The following SORCS3 variants were observed in gnomAD, a reference collection of about 807,000 sequenced individuals.
The protein encoded by SORCS3 is sortilin related VPS10 domain containing receptor 3.
A neutral mutation model predicts 146.3 loss-of-function variants in SORCS3; 57 were observed. The observed-to-expected ratio is 0.39, with a 90% confidence interval of 0.31 to 0.49. The LOEUF is 0.49. Ranked by LOEUF, SORCS3 falls within the 20% of genes least tolerant of loss-of-function variation. The probability of loss-of-function intolerance (pLI) is 0.92; values close to 1 mark genes in which losing one functional copy is unlikely to be tolerated. For missense variants in SORCS3, 1,341 were observed against 1,575.5 expected (o/e 0.85, Z 2.52); for synonymous variants, 653 against 618.5 (o/e 1.06, Z -0.83).
At chr10:105,135,308 A>G (rs1383733694) in intron 7 of SORCS3, among the ~76,000 whole-genome samples, 2 of 152,124 alleles carry the variant, frequency 1.3e-5, no homozygotes, top group Admixed American at 6.5e-5. Flanking sequence ...CAGCCCCAAC[A>G]TTCCATGGGA....
chr10:105,247,473 G>C, intron 22 of SORCS3, 142 bp downstream of exon 22: 1 of 519,638 alleles, frequency 1.9e-6, no homozygotes, highest in Admixed American at 3.6e-5. Context: ...GAAGAGGCTG[G>C]GTGCAGTCGC....
intron 1 of SORCS3, among the ~76,000 whole-genome samples, chr10:104,703,611 T>G (rs1297933130): frequency 1.4e-4 from 16 of 118,196 alleles, no homozygotes; most frequent in African/African-American, 3.0e-4. Context: ...GGGTGGGGGG[T>G]GAGGGGAGGG....
chr10:104,651,788 A>G (rs960268348), intron 1 of SORCS3, among the ~76,000 whole-genome samples: 2 of 152,086 alleles, frequency 1.3e-5, no homozygotes, highest in Non-Finnish European at 2.9e-5. Context: ...TTTGCTCTGC[A>G]TGCTGGCCTG....
intron 4 of SORCS3, among the ~76,000 whole-genome samples, chr10:105,017,167 G>A (rs11192280): frequency 0.33 from 49,710 of 151,360 alleles, 9,892 homozygotes; most frequent in African/African-American, 0.56. Context: ...TGAGGGAACC[G>A]TCTGCTTCTG....
intron 16 of SORCS3, among the ~76,000 whole-genome samples, chr10:105,201,625 C>T (rs1458940702): frequency 1.3e-5 from 2 of 152,196 alleles, no homozygotes; most frequent in Non-Finnish European, 2.9e-5. Flanking sequence ...TCACTGTGCT[C>T]TTCTACGTGA....
At chr10:104,851,844 A>G (rs2018277207) in intron 2 of SORCS3, among the ~76,000 whole-genome samples, 1 of 152,252 alleles carries the variant, frequency 6.6e-6, no homozygotes, top group Non-Finnish European at 1.5e-5. Context: ...GACATAGTCT[A>G]TAAATGTCAT....
intron 1 of SORCS3, among the ~76,000 whole-genome samples, chr10:104,750,962 G>A (rs935264794): frequency 6.6e-6 from 1 of 152,122 alleles, no homozygotes; most frequent in African/African-American, 2.4e-5. Flanking sequence ...GGAATATCGT[G>A]TCTATAATAT....
In SORCS3 at chr10:105,116,186, A is replaced by G. The variant is rs187171875; in HGVS notation, c.1212+10671A>G. 8.5e-5 allele frequency among the ~76,000 whole-genome samples: 13 copies of G among 152,346 alleles called. 1 individual carries two copies. In the East Asian group the frequency reaches 2.5e-3, roughly 29 times the overall value. On this transcript the variant is annotated intron_variant, in intron 7 of 26. Coordinates refer to ENST00000369701, the MANE Select transcript of SORCS3 (RefSeq NM_014978.3). ...GTAATGATATTTAGTTGACCTTTGT[A>G]TGGAGCATACTCCATCTCACATCCT... is the stretch of plus-strand genomic sequence containing the variant.
intron 1 of SORCS3, among the ~76,000 whole-genome samples, chr10:104,671,533 T>C (rs2015854598): frequency 6.6e-6 from 1 of 151,208 alleles, no homozygotes; most frequent in Non-Finnish European, 1.5e-5. Context: ...TTTGTAGAGA[T>C]GAGGTCTTAC....
chr10:105,168,891 C>T (rs560377392), intron 13 of SORCS3, among the ~76,000 whole-genome samples: 19 of 152,228 alleles, frequency 1.2e-4, no homozygotes, highest in Middle Eastern at 3.4e-3. Flanking sequence ...GTAAGAGGAG[C>T]GCTCTCCCAC....
chr10:105,158,860 C>T, intron 10 of SORCS3, 32 bp from the exon 11 acceptor site: 1 of 1,557,798 alleles, frequency 6.4e-7, no homozygotes, highest in Non-Finnish European at 8.8e-7. Context: ...CTGGAATTTC[C>T]TAGAATGAAA....
At chr10:104,804,886 T>G (rs557730310) in intron 1 of SORCS3, among the ~76,000 whole-genome samples, 2 of 152,234 alleles carry the variant, frequency 1.3e-5, no homozygotes, top group African/African-American at 4.8e-5. Context: ...TAGGAAAGGG[T>G]GGACTCTAGC....
intron 16 of SORCS3, among the ~76,000 whole-genome samples, chr10:105,210,476 G>A (rs1481281765): frequency 6.6e-6 from 1 of 152,074 alleles, no homozygotes; most frequent in Non-Finnish European, 1.5e-5. Context: ...CAAGAAGTAG[G>A]GAAGCACTGT....
rs574715377 is a variant in SORCS3, at chr10:105,143,046, C to T, written c.1302+3560C>T. On this transcript the variant is annotated intron_variant, in intron 8 of 26. Transcript: ENST00000369701. ...CTAATCTCTTTTCTTACTCCCTATT[C>T]TCTCTTCAACCTGCTGCTGTATATT... Among the ~76,000 whole-genome samples the T allele has an allele frequency of 3.3e-5, 5 of 152,268 alleles. No individual in the cohort carries two copies. The South Asian group carries it at 1.0e-3, about 32-fold the overall frequency.
intron 1 of SORCS3, among the ~76,000 whole-genome samples, chr10:104,754,157 C>T (rs1179847656): frequency 6.6e-6 from 1 of 152,126 alleles, no homozygotes; most frequent in Non-Finnish European, 1.5e-5. Flanking sequence ...GCAGCTTACC[C>T]GTTTGTGATA....
intron 4 of SORCS3, among the ~76,000 whole-genome samples, chr10:104,986,739 AT>A (rs976279258): frequency 6.6e-6 from 1 of 152,210 alleles, no homozygotes; most frequent in African/African-American, 2.4e-5. Flanking sequence ...AGATAGGAGA[AT>A]TGTCAGTAGA....
chr10:104,681,928 G>A (rs2015982302), intron 1 of SORCS3, among the ~76,000 whole-genome samples: 1 of 151,652 alleles, frequency 6.6e-6, no homozygotes, highest in Admixed American at 6.6e-5. Context: ...TTTTTTTCCT[G>A]CCTTAGTTTT....
chr10:104,789,234 C>T (rs746663297), intron 1 of SORCS3, among the ~76,000 whole-genome samples: 4 of 152,190 alleles, frequency 2.6e-5, no homozygotes, highest in East Asian at 1.9e-4. Context: ...CTTTCTTGAA[C>T]ATTTCCAAGA....
At chr10:104,968,418 G>C (rs1169510438) in intron 3 of SORCS3, among the ~76,000 whole-genome samples, 1 of 152,126 alleles carries the variant, frequency 6.6e-6, no homozygotes, top group African/African-American at 2.4e-5. Context: ...GCCCGGCCTT[G>C]AGCAACTTTC....
Sources: gnomAD v4.1 joint callset for allele counts (sites outside exome capture counted in the v4.1 genomes callset) on GRCh38, gnomAD v4.1.1 for gene constraint, MANE v1.5 for transcripts, NCBI Gene and HGNC (gene_info 2026-07-23, HGNC 2026-07-21) for gene names.